PTPRG: variants seen among roughly 807,000 people sequenced by gnomAD.
PTPRG encodes receptor-type tyrosine-protein phosphatase gamma.
A neutral mutation model predicts 165.3 loss-of-function variants in PTPRG; 102 were observed. The observed-to-expected ratio is 0.62, with a 90% CI of 0.53 to 0.73. The LOEUF is 0.73. Ranked by LOEUF, PTPRG falls within the 30% of genes least tolerant of loss-of-function variation. PTPRG has a pLI of 0.00. For synonymous variants in PTPRG, 675 were observed against 669.5 expected (o/e 1.01, Z -0.13); for missense variants, 1,866 against 1,861.4 (o/e 1.00, Z -0.05).
rs1257677513 is a variant in PTPRG, at chr3:62,233,417, G to A, written c.2375+2106G>A. On this transcript the variant is annotated intron_variant, in intron 14 of 29. Transcript: ENST00000474889. The surrounding 1 kb of genome is among the most constrained non-coding windows in gnomAD (Gnocchi z 4.7). ...TTTCCTGACCCATGTCCATCCTGCT[G>A]CTGTTCTATAAAAGGGCTTTGAAAG... Among the ~76,000 whole-genome samples the A allele has an allele frequency of 6.6e-6, 1 of 152,118 alleles. No individual in the cohort carries two copies. Among genetic ancestry groups the A allele is most frequent in the Non-Finnish European group, 1.5e-5 (1 of 68,010 alleles).
intron 4 of PTPRG, among the ~76,000 whole-genome samples, chr3:62,017,996 C>T (rs1356472129): frequency 6.6e-6 from 1 of 152,184 alleles, no homozygotes; most frequent in Non-Finnish European, 1.5e-5. Context: ...CGCTAGAAGC[C>T]TCTCCAGTGC....
At chr3:61,952,831 C>G (rs185954202) in intron 2 of PTPRG, among the ~76,000 whole-genome samples, 1 of 152,308 alleles carries the variant, frequency 6.6e-6, no homozygotes, top group Admixed American at 6.5e-5. Context: ...CTCCCCTACT[C>G]ACTGCCACCA....
At chr3:61,630,535 AAC>A (rs3032570) in intron 1 of PTPRG, among the ~76,000 whole-genome samples, 13,128 of 152,198 alleles carry the variant, frequency 0.086, 681 homozygotes, top group East Asian at 0.21. Context: ...GGGAAAAGAA[AAC>A]AGTTTCTGTT....
chr3:62,008,765 C>CATAGATCCCT (rs1305755865), intron 4 of PTPRG, among the ~76,000 whole-genome samples: 1 of 152,170 alleles, frequency 6.6e-6, no homozygotes, highest in Non-Finnish European at 1.5e-5. Context: ...GAGCATGCAG[C>CATAGATCCCT]CTAGATCCCT....
chr3:62,163,196 AC>A (rs1165804530), intron 7 of PTPRG, among the ~76,000 whole-genome samples: 1 of 152,200 alleles, frequency 6.6e-6, no homozygotes, highest in African/African-American at 2.4e-5. Flanking sequence ...ATTGAGGATT[AC>A]AATTCCACCT....
At chr3:61,986,151 A>G (rs1426821083) in intron 2 of PTPRG, among the ~76,000 whole-genome samples, 1 of 148,846 alleles carries the variant, frequency 6.7e-6, no homozygotes, top group East Asian at 1.9e-4. Context: ...TCATCATATT[A>G]AAGAGTGGAA....
At chr3:62,200,386 T>G (rs1700070197) in intron 10 of PTPRG, among the ~76,000 whole-genome samples, 1 of 152,116 alleles carries the variant, frequency 6.6e-6, no homozygotes, top group Non-Finnish European at 1.5e-5. Context: ...TTCTCCTGCC[T>G]CAGCCTCCCG....
chr3:62,013,691 A>G (rs2041479243), intron 4 of PTPRG, among the ~76,000 whole-genome samples: 1 of 152,112 alleles, frequency 6.6e-6, no homozygotes, highest in Non-Finnish European at 1.5e-5. Context: ...TTAAAATAAA[A>G]TTTGTTTTAA....
At chr3:61,988,523 T>C (rs73085500) in intron 2 of PTPRG, among the ~76,000 whole-genome samples, 15,883 of 152,218 alleles carry the variant, frequency 0.1, 1,030 homozygotes, top group Middle Eastern at 0.24. Context: ...GATTTCTTTG[T>C]GTCTTCCATT....
At chr3:61,936,054 C>T (rs981112691) in intron 2 of PTPRG, among the ~76,000 whole-genome samples, 11 of 152,120 alleles carry the variant, frequency 7.2e-5, no homozygotes, top group African/African-American at 2.2e-4. Flanking sequence ...CCCTTCTATT[C>T]CCTCTGCCAC....
chr3:61,621,594 A>T (rs548162046), intron 1 of PTPRG, among the ~76,000 whole-genome samples: 3 of 151,168 alleles, frequency 2.0e-5, no homozygotes, highest in Admixed American at 6.6e-5. Context: ...TAACTCCTTC[A>T]CTCTTTCTGT....
chr3:61,863,930 A>G (rs1228851065), intron 2 of PTPRG, among the ~76,000 whole-genome samples: 1 of 152,196 alleles, frequency 6.6e-6, no homozygotes, highest in Non-Finnish European at 1.5e-5. Flanking sequence ...AACAACATCA[A>G]TTCTGAACAA....
At chr3:62,043,811 A>T (rs1482641525) in intron 4 of PTPRG, among the ~76,000 whole-genome samples, 1 of 152,218 alleles carries the variant, frequency 6.6e-6, no homozygotes, top group Non-Finnish European at 1.5e-5. Context: ...GGTATAATCT[A>T]GTCAATTCGG....
At chr3:62,020,515 G>A (rs2041664913) in intron 4 of PTPRG, among the ~76,000 whole-genome samples, 1 of 152,160 alleles carries the variant, frequency 6.6e-6, no homozygotes, top group South Asian at 2.1e-4. Context: ...GTTAAAGAAA[G>A]CGTGTGTTTC....
At chr3:61,742,390 C>G (rs908543975) in intron 1 of PTPRG, 58 of 1,227,774 alleles carry the variant, frequency 4.7e-5, no homozygotes, top group Non-Finnish European at 6.3e-5. Flanking sequence ...GAAATTGGGC[C>G]TTTGGGTCTG....
intron 4 of PTPRG, among the ~76,000 whole-genome samples, chr3:62,012,002 G>C (rs952675006): frequency 3.3e-5 from 5 of 151,560 alleles, no homozygotes; most frequent in African/African-American, 1.2e-4. Context: ...TAGAAACTTG[G>C]TGACCGTGGT....
intron 1 of PTPRG, among the ~76,000 whole-genome samples, chr3:61,655,899 C>T (rs1307579296): frequency 6.6e-6 from 1 of 152,150 alleles, no homozygotes; most frequent in East Asian, 1.9e-4. Flanking sequence ...CTGTTTAACT[C>T]TTAAGTGTAG....
rs916986372 is a variant in PTPRG at position 62,009,876 on chromosome 3, A to C, written c.519+6379A>C. Among the ~76,000 whole-genome samples the C allele has an allele frequency of 3.3e-5, 5 of 152,142 alleles. No homozygotes were observed. The South Asian group carries it at 1.0e-3, about 32-fold the overall frequency. ...ATGTCAGGTTGGGTAGCACCGCTTA[A>C]ATAATCCCTCCTTCACTGCTGGAAT... On this transcript the variant is annotated intron_variant, in intron 4 of 29. Transcript: ENST00000474889.
intron 7 of PTPRG, among the ~76,000 whole-genome samples, chr3:62,162,361 T>G (rs1704799622): frequency 6.6e-6 from 1 of 152,078 alleles, no homozygotes; most frequent in Non-Finnish European, 1.5e-5. Context: ...AAGAAATGTT[T>G]TACACATTCA....
Sources: gnomAD v4.1 joint callset for allele counts (sites outside exome capture counted in the v4.1 genomes callset) on GRCh38, gnomAD v4.1.1 for gene constraint, Gnocchi (gnomAD v3.1) non-coding constraint, MANE v1.5 for transcripts, NCBI Gene and HGNC (gene_info 2026-07-23, HGNC 2026-07-21) for gene names.